PTPRD: variants seen among roughly 807,000 people sequenced by gnomAD.
The protein encoded by PTPRD is protein tyrosine phosphatase receptor type D.
In PTPRD, 34 loss-of-function variants were observed where a neutral mutation model predicts 214.5. That is an observed-to-expected ratio of 0.16 (90% CI 0.12 to 0.21). The LOEUF is 0.21. PTPRD is among the 10% of genes least tolerant of loss of function. The probability of loss-of-function intolerance (pLI) is 1.00; values close to 1 mark genes in which losing one functional copy is unlikely to be tolerated. For synonymous variants in PTPRD, 1,128 were observed against 845.7 expected (o/e 1.33, Z -5.79); for missense variants, 2,545 against 2,398.7 (o/e 1.06, Z -1.27).
At chr9:8,423,727 G>A (rs906618824) in intron 35 of PTPRD, among the ~76,000 whole-genome samples, 4 of 151,968 alleles carry the variant, frequency 2.6e-5, no homozygotes, top group Non-Finnish European at 5.9e-5. Context: ...GTCTATAACT[G>A]ACAATGTCAA....
At chr9:10,132,513 G>A (rs938895584) in intron 3 of PTPRD, among the ~76,000 whole-genome samples, 1 of 152,228 alleles carries the variant, frequency 6.6e-6, no homozygotes, top group African/African-American at 2.4e-5. Flanking sequence ...AATAGATACA[G>A]AATGCTTCTT....
At chr9:9,448,225 C>A (rs550139183) in intron 8 of PTPRD, among the ~76,000 whole-genome samples, 8 of 151,956 alleles carry the variant, frequency 5.3e-5, no homozygotes, top group Non-Finnish European at 1.2e-4. Flanking sequence ...AGTCAAAAAG[C>A]ACTTAATGAA....
intron 5 of PTPRD, among the ~76,000 whole-genome samples, chr9:9,811,246 C>T (rs2047041837): frequency 6.6e-6 from 1 of 152,088 alleles, no homozygotes; most frequent in South Asian, 2.1e-4. Flanking sequence ...TTGAGTCTAA[C>T]CTTCATGGAT....
intron 30 of PTPRD, among the ~76,000 whole-genome samples, chr9:8,476,367 C>T (rs539275980): frequency 6.4e-4 from 98 of 152,240 alleles, no homozygotes; most frequent in Non-Finnish European, 1.2e-3. Flanking sequence ...ATGCTCCCTC[C>T]CCACTGCTTA....
At chr9:10,154,365 T>C (rs1030490450) in intron 3 of PTPRD, among the ~76,000 whole-genome samples, 1 of 152,154 alleles carries the variant, frequency 6.6e-6, no homozygotes, top group Non-Finnish European at 1.5e-5. Context: ...TGCTGTATAT[T>C]AGACCTTTGT....
At chr9:10,185,815 G>A (rs2099327883) in intron 3 of PTPRD, among the ~76,000 whole-genome samples, 1 of 151,974 alleles carries the variant, frequency 6.6e-6, no homozygotes. Context: ...TTCCTGGGAA[G>A]CATCATAACA....
At chr9:9,733,779 A>AT (rs2098242218) in intron 7 of PTPRD, among the ~76,000 whole-genome samples, 2 of 152,312 alleles carry the variant, frequency 1.3e-5, no homozygotes, top group South Asian at 4.1e-4. Context: ...AGATTTCTTC[A>AT]TAGTATTAAA....
At chr9:8,878,878 A>G (rs939147071) in intron 11 of PTPRD, among the ~76,000 whole-genome samples, 6 of 152,204 alleles carry the variant, frequency 3.9e-5, no homozygotes, top group Non-Finnish European at 8.8e-5. Flanking sequence ...TTTGGGGTGC[A>G]TAGCATAAGA....
At chr9:9,602,787 GTCT>G (rs1048925258) in intron 7 of PTPRD, among the ~76,000 whole-genome samples, 89 of 151,996 alleles carry the variant, frequency 5.9e-4, no homozygotes, top group African/African-American at 1.8e-3. Context: ...TTTCCTCCTG[GTCT>G]TCTTCTTTAT....
intron 10 of PTPRD, chr9:9,091,010 A>G (rs2099774798): frequency 2.5e-6 from 4 of 1,571,404 alleles, no homozygotes; most frequent in Admixed American, 3.3e-5. Context: ...GCCATTAAGA[A>G]ATTCGTCATT....
intron 4 of PTPRD, among the ~76,000 whole-genome samples, chr9:9,974,433 A>T (rs1178739542): frequency 6.6e-6 from 1 of 152,138 alleles, no homozygotes; most frequent in Non-Finnish European, 1.5e-5. Context: ...AAAATATCGT[A>T]TTTTGTCCCC....
At chr9:9,190,919 G>A (rs532805352) in intron 9 of PTPRD, among the ~76,000 whole-genome samples, 5 of 152,062 alleles carry the variant, frequency 3.3e-5, no homozygotes, top group Non-Finnish European at 7.4e-5. Context: ...ATTCTGCAGT[G>A]AGAGAAGGCT....
At chr9:10,125,738 T>A (rs2098814432) in intron 3 of PTPRD, among the ~76,000 whole-genome samples, 1 of 151,738 alleles carries the variant, frequency 6.6e-6, no homozygotes, top group African/African-American at 2.4e-5. Flanking sequence ...CGCCTCAGCC[T>A]CCCAAAGTGC....
intron 2 of PTPRD, among the ~76,000 whole-genome samples, chr9:10,571,133 T>A (rs2067308621): frequency 6.6e-6 from 1 of 152,180 alleles, no homozygotes; most frequent in South Asian, 2.1e-4. Flanking sequence ...TTTTGTTTTT[T>A]TAAGAATATA....
chr9:10,482,258 C>G lies in PTPRD; in HGVS notation c.-600+130140G>C, dbSNP rs1223370636. Among the ~76,000 whole-genome samples the G allele has an allele frequency of 2.0e-5, 3 of 151,966 alleles. No individual in the cohort carries two copies. The South Asian group carries it at 6.2e-4, about 32-fold the overall frequency. ...TGGTGGCGGGTGCCTGTAGTCCCAG[C>G]TACTGAGGAGGCTGAGGCAGGAGAA... On this transcript the variant is annotated intron_variant, in intron 2 of 45. Coordinates refer to ENST00000381196, the MANE Select transcript of PTPRD (RefSeq NM_002839.4).
intron 11 of PTPRD, among the ~76,000 whole-genome samples, chr9:9,002,820 C>T (rs1417887559): frequency 6.6e-6 from 1 of 152,044 alleles, no homozygotes; most frequent in Non-Finnish European, 1.5e-5. Flanking sequence ...GAGCCCTGCT[C>T]ATTGCACCCA....
rs1476756971 is a variant in PTPRD at position 8,911,416 on chromosome 9, TG to T, written c.-104+107280del. Among the ~76,000 whole-genome samples the T allele has an allele frequency of 9.8e-3, 1,057 of 107,536 alleles. 7 individuals are homozygous for T. Among genetic ancestry groups the T allele is most frequent in the South Asian group, 0.059 (194 of 3,276 alleles). The allele number at this position is 107,536 out of a possible 152,430, so 70.5% of individuals were successfully genotyped here. The stretch of plus-strand genomic sequence containing the variant: ...TGTGTGTCTGTGTGTGTGTGTGTGT[TG>T]TGTGTGTGTGTGTGTGTGTGTGTGA... On this transcript the variant is annotated intron_variant, in intron 11 of 45. Transcript: ENST00000381196.
At chr9:8,998,454 G>T (rs555660942) in intron 11 of PTPRD, among the ~76,000 whole-genome samples, 2 of 152,058 alleles carry the variant, frequency 1.3e-5, no homozygotes, top group Admixed American at 1.3e-4. Flanking sequence ...ATGACTTACC[G>T]TGAATATTTT....
At chr9:9,466,319 A>C (rs1482677902) in intron 8 of PTPRD, among the ~76,000 whole-genome samples, 1 of 152,168 alleles carries the variant, frequency 6.6e-6, no homozygotes, top group Non-Finnish European at 1.5e-5. Flanking sequence ...TAAATAAGTA[A>C]GTAAATAATA....
Sources: gnomAD v4.1 joint callset for allele counts (sites outside exome capture counted in the v4.1 genomes callset) on GRCh38, gnomAD v4.1.1 for gene constraint, MANE v1.5 for transcripts, NCBI Gene and HGNC (gene_info 2026-07-23, HGNC 2026-07-21) for gene names.